The following NUCB2 variants were observed in gnomAD, a reference collection of about 807,000 sequenced individuals.
NUCB2 encodes the protein nucleobindin 2.
NUCB2 carries 48 observed loss-of-function variants against 57.9 expected under a neutral mutation model. That is an observed-to-expected ratio of 0.83 (90% CI 0.66 to 1.05). The LOEUF (loss-of-function observed/expected upper bound fraction) is 1.05, where lower values mean the gene tolerates loss of function less well. Among genes scored for constraint, NUCB2 ranks in the 50% least tolerant of loss-of-function variants. The pLI, the probability that NUCB2 is intolerant of heterozygous loss-of-function variation, is 0.00. For synonymous variants in NUCB2, 139 were observed against 152.1 expected, an observed-to-expected ratio of 0.91 and a Z score of 0.64; for missense variants, 442 against 476.2, an observed-to-expected ratio of 0.93 and a Z score of 0.67.
intron 2 of NUCB2, among the ~76,000 whole-genome samples, chr11:17,293,404 G>T (rs534536283): frequency 6.6e-6 from 1 of 151,806 alleles, no homozygotes; most frequent in East Asian, 1.9e-4. Flanking sequence ...AAAAACACGT[G>T]GAAGATATGG....
At chr11:17,282,981 A>G (rs983634249) in intron 2 of NUCB2, 38 bp downstream of exon 2, 2 of 152,206 alleles carry the variant, frequency 1.3e-5, no homozygotes, top group Non-Finnish European at 2.9e-5. Flanking sequence ...GCAAAGAAAC[A>G]TGACTATCAC....
Position 17,324,140 on chromosome 11 carries a change from T to C in NUCB2, c.1003-5987T>C, listed in dbSNP as rs141509643. 8.8e-3 allele frequency among the ~76,000 whole-genome samples: 1,347 copies of C among 152,286 alleles called. 19 individuals carry two copies. Among genetic ancestry groups the C allele is most frequent in the African/African-American group, 0.025 (1,020 of 41,574 alleles). ...TTGCTTTTCCAGTTAAGATGCACTA[T>C]TAGGTTATTTATTTTGAGATTTTTC... On this transcript the variant is annotated intron_variant, in intron 11 of 13. Transcript: ENST00000529010.
At chr11:17,295,182 T>C (rs1205094820) in intron 2 of NUCB2, 142 bp from the exon 3 acceptor site, 1 of 609,736 alleles carries the variant, frequency 1.6e-6, no homozygotes, top group Admixed American at 3.6e-5. Flanking sequence ...AGTTTTAATC[T>C]ATTCTTTCCT....
At chr11:17,289,589 T>C (rs1944582325) in intron 2 of NUCB2, among the ~76,000 whole-genome samples, 1 of 152,234 alleles carries the variant, frequency 6.6e-6, no homozygotes, top group Non-Finnish European at 1.5e-5. Flanking sequence ...ATTTAGCTAC[T>C]CTTCCTTTAG....
At position 17,292,614 on chromosome 11, in the gene NUCB2, G is replaced by A. The variant is rs1945126337; in HGVS notation, c.1-2710G>A. 2.0e-5 allele frequency among the ~76,000 whole-genome samples: 3 copies of A among 152,126 alleles called. No homozygotes were observed. In the South Asian group the frequency reaches 6.2e-4, roughly 31 times the overall value. The stretch of plus-strand genomic sequence containing the variant: ...CTGCTGGCCCAGGGACCATACTTTT[G>A]AGAACCACTCCTGAAAAGCCAACAA... On this transcript the variant is annotated intron_variant, in intron 2 of 13. Transcript: ENST00000529010.
At chr11:17,328,391 G>A (rs937523326) in intron 11 of NUCB2, among the ~76,000 whole-genome samples, 40 of 152,300 alleles carry the variant, frequency 2.6e-4, no homozygotes, top group African/African-American at 7.9e-4. Flanking sequence ...TCATGGTGGC[G>A]AGTTCCCCCA....
At chr11:17,326,012 T>C (rs893187663) in intron 11 of NUCB2, among the ~76,000 whole-genome samples, 1 of 152,074 alleles carries the variant, frequency 6.6e-6, no homozygotes, top group Non-Finnish European at 1.5e-5. Context: ...TTCTTTTTTT[T>C]TTTTCGAGAC....
intron 6 of NUCB2, among the ~76,000 whole-genome samples, 186 bp downstream of exon 6, chr11:17,309,861 C>T (rs1948223559): frequency 6.6e-6 from 1 of 152,174 alleles, no homozygotes; most frequent in Admixed American, 6.5e-5. Context: ...CCCTTATCCA[C>T]AATTCCTAAA....
chr11:17,288,446 G>C (rs184439135), intron 2 of NUCB2, among the ~76,000 whole-genome samples: 1 of 152,020 alleles, frequency 6.6e-6, no homozygotes, highest in East Asian at 1.9e-4. Context: ...TCTTACCTCA[G>C]CTTCCTGAAT....
At chr11:17,306,105 G>A (rs1190665268) in intron 5 of NUCB2, among the ~76,000 whole-genome samples, 1 of 152,126 alleles carries the variant, frequency 6.6e-6, no homozygotes, top group East Asian at 1.9e-4. Flanking sequence ...TATTATCTTG[G>A]AATGAACTTT....
intron 2 of NUCB2, among the ~76,000 whole-genome samples, chr11:17,338,930 T>G (rs1282772403): frequency 6.6e-6 from 1 of 151,118 alleles, no homozygotes; most frequent in African/African-American, 2.4e-5. Flanking sequence ...TCCCAAAGTG[T>G]TGGGATTACA....
At chr11:17,314,302 G>A (rs1948932999) in intron 10 of NUCB2, among the ~76,000 whole-genome samples, 2 of 152,070 alleles carry the variant, frequency 1.3e-5, no homozygotes, top group Admixed American at 6.6e-5. Flanking sequence ...TTCTTCATAA[G>A]TAGGCAGAGT....
At chr11:17,288,954 TATA>T (rs1428491687) in intron 2 of NUCB2, among the ~76,000 whole-genome samples, 1 of 52,442 alleles carries the variant, frequency 1.9e-5, no homozygotes, top group Admixed American at 2.2e-4. Flanking sequence ...CACACACATA[TATA>T]TATATATTTT....
In NUCB2 at chr11:17,282,240, A is replaced by G. The variant is rs2035689; in HGVS notation, c.-155-549A>G. 2.1e-3 allele frequency among the ~76,000 whole-genome samples: 225 copies of G among 107,006 alleles called. 2 individuals carry two copies. The highest frequency in any genetic ancestry group is 3.6e-3 in the African/African-American group (103 of 28,698). 70.2% of individuals were successfully genotyped at this position (107,006 alleles called of 152,430 possible). A position where few individuals can be genotyped will look rare whatever the true frequency, so the allele number is the denominator to read the frequency against. ...TATATCTATCTATCTATCTATCTATATATATATATATATATATATTTTTTT... is the reference window on the plus strand; with the variant it reads ...TATATCTATCTATCTATCTATCTATGTATATATATATATATATATTTTTTT... On this transcript the variant is annotated intron_variant, in intron 1 of 13. Coordinates refer to ENST00000529010, the MANE Select transcript of NUCB2 (RefSeq NM_005013.4).
intron 1 of NUCB2, among the ~76,000 whole-genome samples, chr11:17,282,258 A>ATTTTTTT (rs71047540): frequency 2.9e-5 from 3 of 103,472 alleles, no homozygotes; most frequent in African/African-American, 1.3e-4. Flanking sequence ...ATATATATAT[A>ATTTTTTT]TTTTTTTTTT....
At chr11:17,299,325 T>C (rs1946332955) in intron 4 of NUCB2, among the ~76,000 whole-genome samples, 1 of 152,230 alleles carries the variant, frequency 6.6e-6, no homozygotes, top group Non-Finnish European at 1.5e-5. Context: ...GTGATGCTGA[T>C]GCTTCCAGTT....
intron 11 of NUCB2, among the ~76,000 whole-genome samples, chr11:17,321,592 A>G (rs564124357): frequency 6.6e-6 from 1 of 152,088 alleles, no homozygotes; most frequent in Non-Finnish European, 1.5e-5. Context: ...TGATATACCA[A>G]TTTCCTTTCT....
intron 4 of NUCB2, 89 bp from the exon 5 acceptor site, chr11:17,301,655 T>C: frequency 1.2e-6 from 1 of 812,672 alleles, no homozygotes; most frequent in East Asian, 2.5e-5. Flanking sequence ...TATTTATCAC[T>C]AATGTATTGT....
chr11:17,314,637 T>C (rs917714472), intron 10 of NUCB2, among the ~76,000 whole-genome samples: 1 of 152,190 alleles, frequency 6.6e-6, no homozygotes. Flanking sequence ...CATTTAAATA[T>C]TTGCCTTTCT....
Sources: allele counts gnomAD v4.1 joint callset (sites outside exome capture counted in the v4.1 genomes callset), GRCh38; gene constraint gnomAD v4.1.1; transcripts MANE v1.5; gene names NCBI Gene and HGNC (gene_info 2026-07-23, HGNC 2026-07-21).